The following TTLL11 variants were observed in gnomAD, a reference collection of about 807,000 sequenced individuals.
TTLL11 encodes tubulin tyrosine ligase like 11, also known as tubulin polyglutamylase TTLL11.
Under a neutral mutation model 51.7 loss-of-function variants are expected in TTLL11, and 42 were observed. The observed-to-expected ratio is 0.81, with a 90% CI of 0.64 to 1.05. The LOEUF (loss-of-function observed/expected upper bound fraction) is 1.05, where lower values mean the gene tolerates loss of function less well. TTLL11 is among the 50% of genes least tolerant of loss of function. TTLL11 has a pLI of 0.00. For synonymous variants in TTLL11, 381 were observed against 383.5 expected, an observed-to-expected ratio of 0.99 and a Z score of 0.08; for missense variants, 799 against 940.4, an observed-to-expected ratio of 0.85 and a Z score of 1.97.
intron 1 of TTLL11, among the ~76,000 whole-genome samples, chr9:122,043,755 CAG>C (rs2131833351): frequency 6.6e-6 from 1 of 152,046 alleles, no homozygotes; most frequent in South Asian, 2.1e-4. Flanking sequence ...ACACTATGAA[CAG>C]AGTGAAAAGG....
At position 121,853,458 on chromosome 9, in the gene TTLL11, T is replaced by G; in HGVS notation, c.1840+6879A>C. Reference sequence around the variant, plus strand: ...GTGGTGGTGAGCAAGGAGAGGGGGTTCCTGCAGAGGTGGGGGCCTGAGGGG... The same window carrying G: ...GTGGTGGTGAGCAAGGAGAGGGGGTGCCTGCAGAGGTGGGGGCCTGAGGGG... On this transcript the variant is annotated intron_variant, in intron 8 of 8. Transcript: ENST00000321582. The surrounding 1 kb of genome is among the most constrained non-coding windows in gnomAD (Gnocchi z 5.6). Among the ~76,000 whole-genome samples the G allele has an allele frequency of 8.2e-6, 1 of 121,216 alleles. No individual in the cohort carries two copies. The highest frequency in any genetic ancestry group is 3.2e-5 in the African/African-American group (1 of 31,716). The allele number at this position is 121,216 out of a possible 152,430, so 79.5% of individuals were successfully genotyped here. A position where few individuals can be genotyped will look rare whatever the true frequency, so the allele number is the denominator to read the frequency against.
chr9:121,974,924 A>C lies in TTLL11; in HGVS notation c.1325T>G (p.Val442Gly). The change falls in exon 5 of 9, where the codon GTA (valine) becomes GGA (glycine). Residue 442 changes from valine (V) to glycine (G), a missense_variant. Physicochemically the swap from Val to Gly is moderately radical, Grantham distance 109. Around this residue, in one of 3 missense-constraint regions of TTLL11, gnomAD observed 468 missense variants for 612.8 expected, o/e 0.76. Coordinates refer to ENST00000321582, the MANE Select transcript of TTLL11 (RefSeq NM_001139442.2). Reference protein sequence around the residue: ...MKNLKPILLEVNANPSMRIEH... With the variant: ...MKNLKPILLEGNANPSMRIEH... ...GATTCTCATACTGGGATTTGCATTT[A>C]CTTCAAGTAGTATAGGCTTCAGATT... The C allele has an allele frequency of 6.5e-7, 1 of 1,544,130 alleles. No homozygotes were observed.
At chr9:122,078,058 A>G (rs1392256380) in intron 1 of TTLL11, among the ~76,000 whole-genome samples, 1 of 152,212 alleles carries the variant, frequency 6.6e-6, no homozygotes, top group Non-Finnish European at 1.5e-5. Context: ...TAAATACTGC[A>G]TAATAAAACT....
intron 3 of TTLL11, among the ~76,000 whole-genome samples, chr9:122,021,776 A>G (rs1166874942): frequency 6.6e-6 from 1 of 152,206 alleles, no homozygotes; most frequent in East Asian, 1.9e-4. Context: ...AAGATTCACT[A>G]TATCTGTCAC....
chr9:122,021,183 G>A (rs1049594614), intron 3 of TTLL11, among the ~76,000 whole-genome samples: 2 of 152,142 alleles, frequency 1.3e-5, no homozygotes, highest in African/African-American at 2.4e-5. Flanking sequence ...GGAATTGAAC[G>A]ATGTGAACCC....
At chr9:122,008,485 T>TCACTAATCATC (rs1214358058) in intron 3 of TTLL11, among the ~76,000 whole-genome samples, 2 of 152,162 alleles carry the variant, frequency 1.3e-5, no homozygotes, top group African/African-American at 2.4e-5. Context: ...ATGCTCAGAA[T>TCACTAATCATC]CACTAATCAT....
chr9:122,090,860 C>CT (rs1473846615), intron 1 of TTLL11, among the ~76,000 whole-genome samples: 1 of 152,126 alleles, frequency 6.6e-6, no homozygotes, highest in Non-Finnish European at 1.5e-5. Flanking sequence ...AAGGTATCAT[C>CT]TAAAGAAGTG....
At chr9:122,017,740 C>T (rs1451334439) in intron 3 of TTLL11, among the ~76,000 whole-genome samples, 4 of 152,120 alleles carry the variant, frequency 2.6e-5, no homozygotes, top group South Asian at 2.1e-4. Context: ...GGATTACAGG[C>T]GTGAGCCACC....
chr9:122,015,314 C>G (rs944132578), intron 3 of TTLL11, among the ~76,000 whole-genome samples: 3 of 152,032 alleles, frequency 2.0e-5, no homozygotes, highest in Admixed American at 6.5e-5. Flanking sequence ...GGCACAAGAA[C>G]AGTATAATAC....
intron 1 of TTLL11, among the ~76,000 whole-genome samples, chr9:122,063,571 C>T (rs543474338): frequency 2.0e-5 from 3 of 152,276 alleles, no homozygotes; most frequent in Admixed American, 6.5e-5. Context: ...ACCTGTATTT[C>T]GTTTAGTGGC....
intron 6 of TTLL11, among the ~76,000 whole-genome samples, chr9:121,905,155 C>T (rs1839898690): frequency 6.6e-6 from 1 of 152,058 alleles, no homozygotes; most frequent in South Asian, 2.1e-4. Flanking sequence ...TTATATCTCT[C>T]TGTAGAAGAC....
chr9:122,001,165 G>A lies in TTLL11; in HGVS notation c.694-11395C>T, dbSNP rs574418475. Among the ~76,000 whole-genome samples, 5 of 152,226 alleles carry A rather than the reference G, an allele frequency of 3.3e-5. No individual in the cohort carries two copies. In the South Asian group the frequency reaches 6.2e-4, roughly 19 times the overall value. On this transcript the variant is annotated intron_variant, in intron 3 of 8. Coordinates refer to ENST00000321582, the MANE Select transcript of TTLL11 (RefSeq NM_001139442.2). ...GGCTGGAGTGCAATGGCGTGATCTC[G>A]GCTCATTGCAACTGCGGCCTCCGAG...
chr9:121,911,252 C>T (rs13297857), intron 6 of TTLL11, among the ~76,000 whole-genome samples: 29,091 of 151,930 alleles, frequency 0.19, 3,220 homozygotes, highest in African/African-American at 0.28. Flanking sequence ...AAAAAATTAG[C>T]CAGGCATGGT....
At chr9:121,965,132 T>C (rs527592818) in intron 6 of TTLL11, among the ~76,000 whole-genome samples, 1 of 152,250 alleles carries the variant, frequency 6.6e-6, no homozygotes, top group African/African-American at 2.4e-5. Context: ...CAGACTTTTT[T>C]ATTTATGTAA....
chr9:122,048,941 G>A (rs904838622), intron 1 of TTLL11, among the ~76,000 whole-genome samples: 5 of 151,748 alleles, frequency 3.3e-5, no homozygotes, highest in African/African-American at 1.2e-4. Context: ...TAACACCAAG[G>A]CTTCAGCACC....
At chr9:121,909,993 G>A (rs930936871) in intron 6 of TTLL11, among the ~76,000 whole-genome samples, 3 of 152,164 alleles carry the variant, frequency 2.0e-5, no homozygotes, top group Admixed American at 6.5e-5. Context: ...TCTAAGATGC[G>A]ATTTTCCCCC....
intron 3 of TTLL11, among the ~76,000 whole-genome samples, chr9:122,026,404 C>T (rs2131795148): frequency 6.7e-6 from 1 of 148,668 alleles, no homozygotes; most frequent in South Asian, 2.1e-4. Context: ...CGCCACTGCA[C>T]TCCAGCCTGG....
intron 1 of TTLL11, among the ~76,000 whole-genome samples, chr9:122,060,830 G>C (rs1387404265): frequency 2.0e-5 from 3 of 152,200 alleles, no homozygotes; most frequent in African/African-American, 7.2e-5. Context: ...CCATTTTCTT[G>C]TTGAAGAAGA....
At chr9:121,899,114 G>C (rs1054500946) in intron 6 of TTLL11, among the ~76,000 whole-genome samples, 1 of 152,022 alleles carries the variant, frequency 6.6e-6, no homozygotes, top group African/African-American at 2.4e-5. Context: ...CTCCAGCTCT[G>C]CTGGCCACCT....
Sources: gnomAD v4.1 joint callset for allele counts (sites outside exome capture counted in the v4.1 genomes callset) on GRCh38, gnomAD v4.1.1 for gene constraint, gnomAD v4.1.1 regional missense constraint, Gnocchi (gnomAD v3.1) non-coding constraint, MANE v1.5 for transcripts, NCBI Gene and HGNC (gene_info 2026-07-23, HGNC 2026-07-21) for gene names.